Variants in FAM234A observed in about 807,000 individuals in gnomAD.
The protein encoded by FAM234A is protein FAM234A.
FAM234A carries 42 observed loss-of-function variants against 49.1 expected under a neutral mutation model. The observed-to-expected ratio is 0.86, with a 90% CI of 0.67 to 1.11. FAM234A has a LOEUF of 1.11. FAM234A is among the 50% of genes least tolerant of loss of function. FAM234A has a pLI of 0.00. For missense variants in FAM234A, 815 were observed against 745.2 expected, an observed-to-expected ratio of 1.09 and a Z score of -1.09; for synonymous variants, 369 against 316.2, an observed-to-expected ratio of 1.17 and a Z score of -1.77.
At chr16:240,726 T>C (rs886918176) in intron 1 of FAM234A, among the ~76,000 whole-genome samples, 4 of 152,122 alleles carry the variant, frequency 2.6e-5, no homozygotes, top group Non-Finnish European at 5.9e-5. Flanking sequence ...GGTCTCGCAC[T>C]CCTGACCTCA....
At chr16:259,931 A>G (rs1345209029) in intron 4 of FAM234A, 38 bp from the exon 5 acceptor site, 2 of 1,584,290 alleles carry the variant, frequency 1.3e-6, no homozygotes, top group Admixed American at 1.7e-5. Flanking sequence ...GCCTGCCCAG[A>G]TGGTGCAACA....
chr16:253,977 G>A (rs983703195), intron 2 of FAM234A: 31 of 203,864 alleles, frequency 1.5e-4, no homozygotes, highest in South Asian at 7.9e-5. Flanking sequence ...CCATGTGTGC[G>A]CACCTGGGTC....
rs113160266 is a variant in FAM234A, at chr16:236,502, A to G, written c.-140+1645A>G. On this transcript the variant is annotated intron_variant, in intron 1 of 12. Coordinates refer to ENST00000399932, the MANE Select transcript of FAM234A (RefSeq NM_032039.4). ...GCTGGGTGTGGTGGCGCACACCTGT[A>G]GTCCCAGCTACTTGGGAGGCTGGGG... 7.3e-3 allele frequency among the ~76,000 whole-genome samples: 1,104 copies of G among 151,750 alleles called. 15 individuals carry two copies. The highest frequency in any genetic ancestry group is 0.025 in the African/African-American group (1,056 of 41,424).
intron 3 of FAM234A, among the ~76,000 whole-genome samples, chr16:257,736 A>G (rs2051292584): frequency 6.6e-6 from 1 of 152,130 alleles, no homozygotes; most frequent in Admixed American, 6.5e-5. Context: ...CTGTAATTCC[A>G]GCAGTTTCAG....
rs532383772 is a variant in FAM234A at position 243,942 on chromosome 16, C to T, written c.-139-5607C>T. Among the ~76,000 whole-genome samples, 9 of 152,082 alleles carry T rather than the reference C, an allele frequency of 5.9e-5. No individual in the cohort carries two copies. The South Asian group carries it at 1.0e-3, about 18-fold the overall frequency. On this transcript the variant is annotated intron_variant, in intron 1 of 12. Coordinates refer to ENST00000399932, the MANE Select transcript of FAM234A (RefSeq NM_032039.4). ...TATTGTTATAAATGCTGTGCATATC[C>T]GTTTTTTCCCCACAGTGGAAAGGAA...
intron 5 of FAM234A, among the ~76,000 whole-genome samples, chr16:260,944 G>A (rs993540053): frequency 1.3e-5 from 2 of 152,296 alleles, no homozygotes; most frequent in Admixed American, 1.3e-4. Flanking sequence ...GGGCCACTCA[G>A]CTGGGGCCTG....
intron 1 of FAM234A, among the ~76,000 whole-genome samples, chr16:235,493 C>T (rs975232759): frequency 2.6e-5 from 4 of 152,110 alleles, no homozygotes; most frequent in Non-Finnish European, 5.9e-5. Flanking sequence ...CGTTCGTTGG[C>T]CGAGAGTTGT....
rs775094508 is a variant in FAM234A, at chr16:254,450, C to T, written c.37C>T (p.Pro13Ser). ...CAAGGACTTAGAGGCCGAAATCCAC[C>T]CCTTGAAAAATGAAGAAAGAAAATC... The part of the protein sequence containing the change: ...DHKDLEAEIH[P>S]LKNEERKSQE... The change falls in exon 3 of 13, where the codon CCC (proline) becomes TCC (serine). Residue 13 changes from proline to serine, a missense_variant. Pro to Ser is a moderately conservative substitution (Grantham distance 74, BLOSUM62 -1). Transcript: ENST00000399932. 2.5e-6 allele frequency: 4 copies of T among 1,614,006 alleles called. No individual in the cohort carries two copies. The highest frequency in any genetic ancestry group is 1.7e-5 in the Admixed American group (1 of 59,996).
At chr16:263,072 C>T (rs892869875) in intron 8 of FAM234A, among the ~76,000 whole-genome samples, 190 bp from the exon 9 acceptor site, 1 of 152,162 alleles carries the variant, frequency 6.6e-6, no homozygotes, top group Non-Finnish European at 1.5e-5. Flanking sequence ...CCCGCCTCGG[C>T]CTCCCAAAGT....
chr16:236,796 C>T lies in FAM234A; in HGVS notation c.-140+1939C>T, dbSNP rs534684959. ...TGGCGGGCGCCTGTAGTCCCAGCTA[C>T]GCGGGAGGCTGAGGCAGGAGAATGG... On this transcript the variant is annotated intron_variant, in intron 1 of 12. Coordinates refer to ENST00000399932, the MANE Select transcript of FAM234A (RefSeq NM_032039.4). Among the ~76,000 whole-genome samples, 11 of 117,644 alleles carry T rather than the reference C, an allele frequency of 9.4e-5. 2 individuals are homozygous for T. The highest frequency in any genetic ancestry group is 2.2e-4 in the Non-Finnish European group (11 of 49,382). The allele number at this position is 117,644 out of a possible 152,430, so 77.2% of individuals were successfully genotyped here.
At chr16:244,362 T>C (rs1040309059) in intron 1 of FAM234A, among the ~76,000 whole-genome samples, 2 of 152,186 alleles carry the variant, frequency 1.3e-5, no homozygotes, top group Non-Finnish European at 2.9e-5. Flanking sequence ...TCTTTCAGTA[T>C]TTCTTCAGGC....
downstream of FAM234A, chr16:269,615 C>G: frequency 6.5e-7 from 1 of 1,535,138 alleles, no homozygotes; most frequent in Non-Finnish European, 9.0e-7. Flanking sequence ...GCCCCTGACC[C>G]TTCTGCCTCC....
At chr16:269,606 C>A, downstream of FAM234A, 1 of 1,589,626 alleles carries the variant, frequency 6.3e-7, no homozygotes. Context: ...CAGCGTCCAG[C>A]CCCTGACCCT....
At chr16:260,860 AG>A (rs1299438782) in intron 5 of FAM234A, 1 of 349,632 alleles carries the variant, frequency 2.9e-6, no homozygotes, top group African/African-American at 2.2e-5. Flanking sequence ...GAGTTGGACG[AG>A]GACCTGTGGT....
At chr16:269,147 C>A, downstream of FAM234A, 1 of 924,150 alleles carries the variant, frequency 1.1e-6, no homozygotes, top group Non-Finnish European at 1.7e-6. Flanking sequence ...GCCCCCTGGG[C>A]ACAAGGGGAC....
At chr16:260,421 C>T (rs968249342) in intron 5 of FAM234A, 4 of 548,606 alleles carry the variant, frequency 7.3e-6, no homozygotes, top group Admixed American at 5.5e-5. Flanking sequence ...AGGGGCAGTC[C>T]GATGTCACCT....
At chr16:241,045 G>C (rs575303671) in intron 1 of FAM234A, among the ~76,000 whole-genome samples, 2 of 151,898 alleles carry the variant, frequency 1.3e-5, no homozygotes, top group South Asian at 4.2e-4. Flanking sequence ...TCAGTCTCTC[G>C]CACAGCTGGG....
chr16:265,315 C>CTGGCTGAGGGCTGGCTGGAG lies in FAM234A; in HGVS notation c.*294_*295insGGCTGAGGGCTGGCTGGAGT. The CTGGCTGAGGGCTGGCTGGAG allele has an allele frequency of 8.3e-7, 1 of 1,210,618 alleles. No homozygotes were observed. The highest frequency in any genetic ancestry group is 1.0e-6 in the Non-Finnish European group (1 of 969,420). 75.0% of individuals were successfully genotyped at this position (1,210,618 alleles called of 1,614,324 possible). A position where few individuals can be genotyped will look rare whatever the true frequency, so the allele number is the denominator to read the frequency against. ...CACACCAGGCAGCCTTCATAGTGGT[C>CTGGCTGAGGGCTGGCTGGAG]TCCCTGGCCACCTTGGGCAGAGCTG... On this transcript the variant is annotated 3_prime_UTR_variant, in exon 13 of 13. Transcript: ENST00000399932.
At chr16:263,879 C>A in intron 10 of FAM234A, 104 bp downstream of exon 10, 1 of 1,392,052 alleles carries the variant, frequency 7.2e-7, no homozygotes, top group Non-Finnish European at 1.0e-6. Context: ...GCCGTCAGAG[C>A]TGCTGAGAAG....
Sources: allele counts gnomAD v4.1 joint callset (sites outside exome capture counted in the v4.1 genomes callset), GRCh38; gene constraint gnomAD v4.1.1; transcripts MANE v1.5; gene names NCBI Gene and HGNC (gene_info 2026-07-23, HGNC 2026-07-21).